The following ZC3H4 variants were observed in gnomAD, a reference collection of about 807,000 sequenced individuals.
ZC3H4 encodes zinc finger CCCH-type containing 4.
ZC3H4 carries 13 observed loss-of-function variants against 108.3 expected under a neutral mutation model. The observed-to-expected ratio is 0.12, with a 90% CI of 0.08 to 0.19. The LOEUF (loss-of-function observed/expected upper bound fraction) is 0.19. Ranked by LOEUF, ZC3H4 falls within the 10% of genes least tolerant of loss-of-function variation. The pLI is 1.00. For synonymous variants in ZC3H4, 917 were observed against 749.6 expected (o/e 1.22, Z -3.65); for missense variants, 1,734 against 1,838.8 (o/e 0.94, Z 1.04).
chr19:47,066,735 C>A lies in ZC3H4; in HGVS notation c.3533G>T (p.Gly1178Val), dbSNP rs1205505455. The A allele has an allele frequency of 4.4e-6, 7 of 1,605,990 alleles. No homozygotes were observed. The highest frequency in any genetic ancestry group is 5.9e-6 in the Non-Finnish European group (7 of 1,178,350). Reference sequence around the variant, plus strand: ...CTTAGCCTTGGAGGCCGAGCTCTTGCCATTGCCCTCAGCACCCTTGGGCTG... The same window carrying A: ...CTTAGCCTTGGAGGCCGAGCTCTTGACATTGCCCTCAGCACCCTTGGGCTG... ...GAQPKGAEGNGKSSASKAKEP... is the reference protein window; with the variant it reads ...GAQPKGAEGNVKSSASKAKEP... The change falls in exon 15 of 15, where the codon GGC becomes GTC. Residue 1178 changes from glycine (G) to valine (V), a missense_variant. Physicochemically the swap from Gly to Val is moderately radical, Grantham distance 109 (BLOSUM62 -3). This residue lies in a region of ZC3H4 where 518 missense variants were observed against 499.6 expected (regional missense o/e 1.04). Transcript: ENST00000253048.
chr19:47,106,524 GACCAGGA>G (rs1568569404), intron 2 of ZC3H4, among the ~76,000 whole-genome samples: 4 of 152,226 alleles, frequency 2.6e-5, no homozygotes, highest in African/African-American at 9.6e-5. Context: ...TGACAGGCAT[GACCAGGA>G]ACCTGATGGG....
intron 4 of ZC3H4, among the ~76,000 whole-genome samples, chr19:47,090,516 G>C (rs1030059697): frequency 1.3e-5 from 2 of 152,188 alleles, no homozygotes; most frequent in African/African-American, 4.8e-5. Context: ...GAGGGGCCTG[G>C]GAAGCAGGCG....
chr19:47,085,991 A>G (rs1299023376), intron 6 of ZC3H4, among the ~76,000 whole-genome samples: 5 of 151,998 alleles, frequency 3.3e-5, no homozygotes, highest in African/African-American at 1.2e-4. Context: ...AGACTCCTGC[A>G]TGAATAGCTG....
Position 47,069,264 on chromosome 19 carries a change from G to A in ZC3H4, c.2226C>T (p.Ser742=), listed in dbSNP as rs2122686113. 1 of 1,613,900 alleles carries A rather than the reference G, an allele frequency of 6.2e-7. No homozygotes were observed. The highest frequency in any genetic ancestry group is 2.2e-5 in the East Asian group (1 of 44,860). The change falls in exon 14 of 15, where the codon AGC becomes AGT. Residue 742 remains serine (S), a synonymous_variant. Coordinates refer to ENST00000253048, the MANE Select transcript of ZC3H4 (RefSeq NM_015168.2). Reference sequence around the variant, plus strand: ...GGCCTGGGGGCCCTCCCTCAGAGAAGCTGTCGGGCTCCAGAGGGTGCTCAG... The same window carrying A: ...GGCCTGGGGGCCCTCCCTCAGAGAAACTGTCGGGCTCCAGAGGGTGCTCAG... ...LFPEHPLEPD[S]FSEGGPPGRP...
chr19:47,081,976 C>T (rs1393992507), intron 10 of ZC3H4, among the ~76,000 whole-genome samples: 2 of 152,164 alleles, frequency 1.3e-5, no homozygotes, highest in African/African-American at 4.8e-5. Flanking sequence ...GAACATGCTC[C>T]ATGTGCATCT....
intron 11 of ZC3H4, among the ~76,000 whole-genome samples, chr19:47,075,240 G>T (rs891649754): frequency 2.0e-5 from 3 of 152,174 alleles, no homozygotes; most frequent in African/African-American, 7.2e-5. Context: ...GTGTGAACCA[G>T]CAGCACAGGG....
In ZC3H4 at chr19:47,094,551, C is replaced by G; in HGVS notation, c.219G>C (p.Gln73His). 1 of 1,614,228 alleles carries G rather than the reference C, an allele frequency of 6.2e-7. No homozygotes were observed. Among genetic ancestry groups the G allele is most frequent in the South Asian group, 1.1e-5 (1 of 91,084 alleles). ...TTCTCTCAGGCCCTCCGGAGGTATC[C>G]TGGGTCTCCTCTGCCCCATCATCTT... ...ELEDDGAEET[Q>H]DTSGGPERSR... is the part of the protein sequence containing the mutation. Residue 73 changes from glutamine (Q) to histidine (H), a missense_variant, in exon 3 of 15, where the codon CAG (glutamine) becomes CAC (histidine). Coordinates refer to ENST00000253048, the MANE Select transcript of ZC3H4 (RefSeq NM_015168.2).
chr19:47,084,930 C>G lies in ZC3H4; in HGVS notation c.1107+126G>C, dbSNP rs952143404. ...TTGTCGCTGGTTATGCTGGTCAACA[C>G]TGGCCAGCCCTTTGGGGGGTGGCTG... On this transcript the variant is annotated intron_variant, in intron 8 of 14. Coordinates refer to ENST00000253048, the MANE Select transcript of ZC3H4 (RefSeq NM_015168.2). The G allele has an allele frequency of 4.6e-6, 6 of 1,294,696 alleles. No individual in the cohort carries two copies. The Admixed American group carries it at 9.5e-5, about 21-fold the overall frequency. The allele number at this position is 1,294,696 out of a possible 1,614,324, so 80.2% of individuals were successfully genotyped here. A position where few individuals can be genotyped will look rare whatever the true frequency, so the allele number is the denominator to read the frequency against.
intron 2 of ZC3H4, 113 bp downstream of exon 2, chr19:47,112,311 C>T: frequency 1.8e-6 from 2 of 1,126,774 alleles, no homozygotes; most frequent in Non-Finnish European, 2.2e-6. Context: ...CTTCCTCCTC[C>T]TCCTCCTCCT....
intron 2 of ZC3H4, among the ~76,000 whole-genome samples, chr19:47,099,210 AG>A (rs1238524731): frequency 6.6e-6 from 1 of 152,200 alleles, no homozygotes; most frequent in Non-Finnish European, 1.5e-5. Flanking sequence ...CTGTAATCCC[AG>A]CACTTTGGGA....
intron 2 of ZC3H4, among the ~76,000 whole-genome samples, chr19:47,111,373 T>TTTA (rs1373598589): frequency 6.6e-6 from 1 of 152,128 alleles, no homozygotes; most frequent in Non-Finnish European, 1.5e-5. Context: ...CGTTTCGGAC[T>TTTA]TAATAAAGAG....
intron 7 of ZC3H4, 52 bp downstream of exon 7, chr19:47,085,266 G>A: frequency 8.2e-7 from 1 of 1,213,922 alleles, no homozygotes; most frequent in East Asian, 4.2e-5. Flanking sequence ...GATTCCAGCA[G>A]CTGCTGGAAT....
Position 47,071,889 on chromosome 19 carries a change from A to C in ZC3H4, c.2035T>G (p.Ser679Ala). ...GGGGGCATCATTCCAGAATGTGGGG[A>C]GTCTCCAGGGCCGTAGGGCATCATT... Reference protein sequence around the residue: ...PPMMPYGPGDSPHSGMMPPIP... With the variant: ...PPMMPYGPGDAPHSGMMPPIP... The change falls in exon 13 of 15, where the codon TCC becomes GCC. Residue 679 changes from serine (S) to alanine (A), a missense_variant. Coordinates refer to ENST00000253048, the MANE Select transcript of ZC3H4 (RefSeq NM_015168.2). The C allele has an allele frequency of 6.2e-7, 1 of 1,612,784 alleles. No homozygotes were observed. The highest frequency in any genetic ancestry group is 1.1e-5 in the South Asian group (1 of 90,926).
Position 47,072,293 on chromosome 19 carries a change from G to A in ZC3H4, c.1802+59C>T. 6 of 1,545,670 alleles carry A rather than the reference G, an allele frequency of 3.9e-6. No individual in the cohort carries two copies. Among genetic ancestry groups the A allele is most frequent in the Non-Finnish European group, 5.3e-6 (6 of 1,136,130 alleles). On this transcript the variant is annotated intron_variant, in intron 12 of 14. Coordinates refer to ENST00000253048, the MANE Select transcript of ZC3H4 (RefSeq NM_015168.2). The surrounding 1 kb of genome is among the most constrained non-coding windows in gnomAD (Gnocchi z 5.6). ...ACAGCCAGGCTTGCCCTAACAAGAG[G>A]AGCCTGGCTGGGCCCAGGACAGCGC...
chr19:47,110,043 C>T (rs959769780), intron 2 of ZC3H4, among the ~76,000 whole-genome samples: 1 of 152,094 alleles, frequency 6.6e-6, no homozygotes, highest in East Asian at 1.9e-4. Context: ...CATGTGCTTT[C>T]GAACAAAGGA....
chr19:47,112,223 A>T, intron 2 of ZC3H4: 1 of 1,164,730 alleles, frequency 8.6e-7, no homozygotes, highest in Non-Finnish European at 1.1e-6. Flanking sequence ...AGGGGGGGGA[A>T]ACGCATGAGG....
At position 47,066,392 on chromosome 19, in the gene ZC3H4, T is replaced by C; in HGVS notation, c.3876A>G (p.Lys1292=). 1 of 1,568,852 alleles carries C rather than the reference T, an allele frequency of 6.4e-7. No individual in the cohort carries two copies. The highest frequency in any genetic ancestry group is 1.2e-5 in the South Asian group (1 of 83,592). ...AGGGGGAGGCCGTGGGGTCGAAGCCTTTAAAAACATCCTTCAGGGATGCCG... is the reference window on the plus strand; with the variant it reads ...AGGGGGAGGCCGTGGGGTCGAAGCCCTTAAAAACATCCTTCAGGGATGCCG... ...QDAASLKDVF[K]GFDPTASPFC... is the part of the protein sequence containing the mutation. The change falls in exon 15 of 15, where the codon AAA becomes AAG. Residue 1292 remains lysine (K), a synonymous_variant. Transcript: ENST00000253048.
At chr19:47,098,501 A>C (rs910929379) in intron 2 of ZC3H4, among the ~76,000 whole-genome samples, 4 of 150,726 alleles carry the variant, frequency 2.7e-5, no homozygotes, top group African/African-American at 9.8e-5. Flanking sequence ...AAAAAAAAAA[A>C]AAAACTAATC....
intron 2 of ZC3H4, among the ~76,000 whole-genome samples, chr19:47,109,501 A>G (rs1286573320): frequency 1.3e-5 from 2 of 152,206 alleles, no homozygotes; most frequent in Non-Finnish European, 2.9e-5. Context: ...AAGGATGGGA[A>G]ACTTCAAATA....
Sources: allele counts gnomAD v4.1 joint callset (sites outside exome capture counted in the v4.1 genomes callset), GRCh38; gene constraint gnomAD v4.1.1; regional missense constraint gnomAD v4.1.1; non-coding constraint Gnocchi (gnomAD v3.1); transcripts MANE v1.5; gene names NCBI Gene and HGNC (gene_info 2026-07-23, HGNC 2026-07-21).